The following SULT2B1 variants were observed in gnomAD, a reference collection of about 807,000 sequenced individuals.
SULT2B1 encodes sulfotransferase 2B1.
SULT2B1 carries 16 observed loss-of-function variants against 33.2 expected under a neutral mutation model. The observed-to-expected ratio is 0.48, with a 90% CI of 0.33 to 0.73. The LOEUF (loss-of-function observed/expected upper bound fraction) is 0.73. SULT2B1 is among the 30% of genes least tolerant of loss of function. The probability of loss-of-function intolerance (pLI) is 0.02; values close to 1 mark genes in which losing one functional copy is unlikely to be tolerated. For missense variants in SULT2B1, 500 were observed against 506.0 expected, an observed-to-expected ratio of 0.99 and a Z score of 0.11; for synonymous variants, 186 against 200.5, an observed-to-expected ratio of 0.93 and a Z score of 0.61.
Position 48,592,756 on chromosome 19 carries a change from C to A in SULT2B1, c.585C>A (p.Gly195=). 6.3e-7 allele frequency: 1 copy of A among 1,599,182 alleles called. No individual in the cohort carries two copies. Among genetic ancestry groups the A allele is most frequent in the Non-Finnish European group, 8.5e-7 (1 of 1,172,552 alleles). ...QFGSWFDHIK[G]WLRMKGKDNF... is the part of the protein sequence containing the mutation. ...GCTCCTGGTTCGACCACATTAAGGGCTGGCTTCGGATGAAGGGCAAAGACA... is the reference window on the plus strand; with the variant it reads ...GCTCCTGGTTCGACCACATTAAGGGATGGCTTCGGATGAAGGGCAAAGACA... The change falls in exon 5 of 7, where the codon GGC becomes GGA. Residue 195 remains glycine, a synonymous_variant. Transcript: ENST00000201586.
chr19:48,559,892 A>C (rs1177485474), intron 1 of SULT2B1, among the ~76,000 whole-genome samples: 1 of 151,960 alleles, frequency 6.6e-6, no homozygotes, highest in Non-Finnish European at 1.5e-5. Flanking sequence ...AGGGCAAGGC[A>C]GGAGGATTGC....
intron 3 of SULT2B1, among the ~76,000 whole-genome samples, chr19:48,589,176 G>A (rs1973610375): frequency 6.6e-6 from 1 of 152,202 alleles, no homozygotes; most frequent in South Asian, 2.1e-4. Context: ...TAGGGTGATG[G>A]TCACGGAGGT....
intron 5 of SULT2B1, among the ~76,000 whole-genome samples, chr19:48,593,793 C>T (rs772556594): frequency 4.0e-3 from 600 of 150,016 alleles, no homozygotes; most frequent in Non-Finnish European, 7.0e-3. Context: ...CGCCACCACG[C>T]CCGGCTAATT....
intron 3 of SULT2B1, among the ~76,000 whole-genome samples, chr19:48,589,542 G>A (rs561698591): frequency 6.6e-6 from 1 of 152,126 alleles, no homozygotes; most frequent in African/African-American, 2.4e-5. Context: ...GAGCAGAGAG[G>A]GGGGGCTGCA....
At chr19:48,592,491 G>A (rs562847165) in intron 4 of SULT2B1, among the ~76,000 whole-genome samples, 17 of 152,194 alleles carry the variant, frequency 1.1e-4, no homozygotes, top group Middle Eastern at 3.4e-3. Context: ...GTGTGGAGGC[G>A]GACTGGATGG....
chr19:48,580,602 T>C (rs941601543), intron 2 of SULT2B1, among the ~76,000 whole-genome samples: 2 of 151,800 alleles, frequency 1.3e-5, no homozygotes, highest in African/African-American at 4.8e-5. Flanking sequence ...CAATAGATGA[T>C]CCTCTATTGC....
chr19:48,569,420 T>C (rs1973291570), intron 1 of SULT2B1, among the ~76,000 whole-genome samples: 1 of 116,924 alleles, frequency 8.6e-6, no homozygotes, highest in Non-Finnish European at 1.7e-5. Context: ...AGATAAATTT[T>C]TATCTAAAAT....
At chr19:48,565,107 G>A (rs1297051127) in intron 1 of SULT2B1, among the ~76,000 whole-genome samples, 3 of 151,388 alleles carry the variant, frequency 2.0e-5, no homozygotes, top group African/African-American at 4.9e-5. Context: ...GTTTTTTTTA[G>A]TAGAGACAGG....
intron 2 of SULT2B1, among the ~76,000 whole-genome samples, chr19:48,580,100 CT>C (rs35197699): frequency 4.4e-4 from 63 of 142,204 alleles, no homozygotes; most frequent in Admixed American, 9.3e-4. Flanking sequence ...ATTAAAAAAA[CT>C]TTTTTTTTTT....
intron 6 of SULT2B1, among the ~76,000 whole-genome samples, chr19:48,598,149 A>G (rs1245353331): frequency 6.6e-6 from 1 of 152,164 alleles, no homozygotes; most frequent in Non-Finnish European, 1.5e-5. Flanking sequence ...AGCCCACCCC[A>G]GGGAACCCCT....
chr19:48,592,634 G>T, intron 4 of SULT2B1, 88 bp from the exon 5 acceptor site: 1 of 1,155,284 alleles, frequency 8.7e-7, no homozygotes, highest in Non-Finnish European at 1.3e-6. Context: ...GGGGTTTGTG[G>T]GGCACAGCTA....
chr19:48,576,028 G>A lies in SULT2B1; in HGVS notation c.159G>A (p.Glu53=), dbSNP rs1362438294. 3 of 1,613,808 alleles carry A rather than the reference G, an allele frequency of 1.9e-6. No individual in the cohort carries two copies. Among genetic ancestry groups the A allele is most frequent in the Non-Finnish European group, 2.5e-6 (3 of 1,179,958 alleles). The change falls in exon 2 of 7, where the codon GAG becomes GAA. Residue 53 remains glutamate, a synonymous_variant. Coordinates refer to ENST00000201586, the MANE Select transcript of SULT2B1 (RefSeq NM_177973.2). The part of the protein sequence containing the change: ...LYSLESISLA[E]NTQDVRDDDI... ...CGCTCGAGAGCATCAGCTTGGCGGA[G>A]AACACCCAAGATGTGCGGGACGACG...
chr19:48,573,175 T>A (rs1227189283), intron 1 of SULT2B1, among the ~76,000 whole-genome samples: 4 of 147,612 alleles, frequency 2.7e-5, no homozygotes, highest in South Asian at 4.3e-4. Flanking sequence ...AAAAAAAAAA[T>A]TTACATGTCC....
Position 48,571,352 on chromosome 19 carries a change from G to A in SULT2B1, c.72-4589G>A, listed in dbSNP as rs989294625. On this transcript the variant is annotated intron_variant, in intron 1 of 6. Transcript: ENST00000201586. ...GCTGAGATTACAGGCGCCCACCACCGTGCCCAGCTAATTTTTGTATTTTTA... is the reference window on the plus strand; with the variant it reads ...GCTGAGATTACAGGCGCCCACCACCATGCCCAGCTAATTTTTGTATTTTTA... 3.6e-4 allele frequency among the ~76,000 whole-genome samples: 54 copies of A among 151,260 alleles called. No homozygotes were observed. In the Middle Eastern group the frequency reaches 0.01, roughly 29 times the overall value.
At chr19:48,579,691 C>T (rs1466118452) in intron 2 of SULT2B1, among the ~76,000 whole-genome samples, 1 of 148,796 alleles carries the variant, frequency 6.7e-6, no homozygotes, top group East Asian at 2.0e-4. Context: ...ACTGCAACCT[C>T]TGCCTCCTAG....
intron 6 of SULT2B1, among the ~76,000 whole-genome samples, chr19:48,597,665 C>T (rs1175682076): frequency 3.8e-4 from 2 of 5,268 alleles, no homozygotes; most frequent in African/African-American, 1.0e-3. Flanking sequence ...TTTTTTGAGA[C>T]GGAGTTTCAC....
rs746349876 is a variant in SULT2B1 at position 48,596,864 on chromosome 19, C to T, written c.771C>T (p.Tyr257=). Reference sequence around the variant, plus strand: ...TGAAGGCCAACACCATGTCCAACTACACGCTGCTGCCTCCCAGCCTGCTGG... The same window carrying T: ...TGAAGGCCAACACCATGTCCAACTATACGCTGCTGCCTCCCAGCCTGCTGG... ...SAMKANTMSN[Y]TLLPPSLLDH... Residue 257 remains tyrosine (Y), a synonymous_variant, in exon 6 of 7, where the codon TAC becomes TAT. Transcript: ENST00000201586. The T allele has an allele frequency of 7.5e-6, 12 of 1,608,218 alleles. 1 individual carries two copies. In the South Asian group the frequency reaches 7.7e-5, roughly 10 times the overall value.
chr19:48,576,312 T>C (rs568695589), intron 2 of SULT2B1, among the ~76,000 whole-genome samples: 1 of 150,324 alleles, frequency 6.7e-6, no homozygotes, highest in East Asian at 1.9e-4. Context: ...CTGGCTGAAA[T>C]AGCGTCCTCG....
intron 1 of SULT2B1, among the ~76,000 whole-genome samples, chr19:48,567,587 G>A (rs947148544): frequency 3.3e-5 from 5 of 151,972 alleles, no homozygotes; most frequent in Admixed American, 1.3e-4. Flanking sequence ...CCCGTGTGTC[G>A]GACATTGGCT....
Sources: allele counts gnomAD v4.1 joint callset (sites outside exome capture counted in the v4.1 genomes callset), GRCh38; gene constraint gnomAD v4.1.1; transcripts MANE v1.5; gene names NCBI Gene and HGNC (gene_info 2026-07-23, HGNC 2026-07-21).